MYH6: variants seen among roughly 807,000 people sequenced by gnomAD.
MYH6 encodes myosin-6.
MYH6 carries 126 observed loss-of-function variants against 223.2 expected under a neutral mutation model. That is an observed-to-expected ratio of 0.56 (90% confidence interval 0.49 to 0.65). MYH6 has a LOEUF of 0.65. Ranked by LOEUF, MYH6 falls within the 30% of genes least tolerant of loss-of-function variation. The probability of loss-of-function intolerance (pLI) is 0.00; values close to 1 mark genes in which losing one functional copy is unlikely to be tolerated. For missense variants in MYH6, 2,040 were observed against 2,536.4 expected (o/e 0.80, Z 4.20); for synonymous variants, 978 against 1,010.2 (o/e 0.97, Z 0.61).
Position 23,392,634 on chromosome 14 carries a change from A to C in MYH6, c.3270T>G (p.Asn1090Lys). 1 of 1,350,176 alleles carries C rather than the reference A, an allele frequency of 7.4e-7. No homozygotes were observed. The highest frequency in any genetic ancestry group is 1.8e-5 in the Admixed American group (1 of 55,622). The allele number at this position is 1,350,176 out of a possible 1,614,324, so 83.6% of individuals were successfully genotyped here. A position where few individuals can be genotyped will look rare whatever the true frequency, so the allele number is the denominator to read the frequency against. ...EKLKKKEFDI[N>K]QQNSKIEDEQ... The stretch of plus-strand genomic sequence containing the variant: ...CATCCTCAATCTTACTGTTCTGCTG[A>C]TTAATGTCAAACTCCTTCCTGCAGG... The change falls in exon 25 of 39, where the codon AAT (asparagine) becomes AAG (lysine). Residue 1090 changes from asparagine (N) to lysine (K), a missense_variant. Physicochemically the swap from Asn to Lys is moderately conservative, Grantham distance 94. Around this residue, in one of 4 missense-constraint regions of MYH6, gnomAD observed 1,203 missense variants for 1,400.2 expected, o/e 0.86. Transcript: ENST00000405093.
chr14:23,387,601 A>G lies in MYH6; in HGVS notation c.4578T>C (p.His1526=), dbSNP rs1222495278. The change falls in exon 32 of 39, where the codon CAT becomes CAC. Residue 1526 remains histidine (H), a synonymous_variant. Transcript: ENST00000405093. ...EQLGEGGKNV[H]ELEKVRKQLE... is the part of the protein sequence containing the mutation. ...GCTGTTTGCGGACCTTCTCCAGCTC[A>G]TGCACATTCTTTCCTCCTTCTCCTA... is the stretch of plus-strand genomic sequence containing the variant. The G allele has an allele frequency of 6.2e-7, 1 of 1,614,018 alleles. No homozygotes were observed. The highest frequency in any genetic ancestry group is 1.1e-5 in the South Asian group (1 of 91,078).
chr14:23,387,908 T>G lies in MYH6; in HGVS notation c.4375A>C (p.Lys1459Gln). ...RNFDKILAEW[K>Q]QKYEESQSEL... Reference sequence around the variant, plus strand: ...GACTGCGACTCCTCATACTTCTGCTTCCACTCGGCCAGGATCTGCCCGGGG... The same window carrying G: ...GACTGCGACTCCTCATACTTCTGCTGCCACTCGGCCAGGATCTGCCCGGGG... The change falls in exon 31 of 39, where the codon AAG becomes CAG. Residue 1459 changes from lysine to glutamine, a missense_variant. By Grantham distance (53) the Lys-to-Gln change is moderately conservative. Coordinates refer to ENST00000405093, the MANE Select transcript of MYH6 (RefSeq NM_002471.4). 6.2e-7 allele frequency: 1 copy of G among 1,613,788 alleles called. No individual in the cohort carries two copies. Among genetic ancestry groups the G allele is most frequent in the Non-Finnish European group, 8.5e-7 (1 of 1,179,998 alleles).
Position 23,393,667 on chromosome 14 carries a change from T to C in MYH6, c.2927A>G (p.Lys976Arg), listed in dbSNP as rs1185657827. The change falls in exon 22 of 39, where the codon AAG (lysine) becomes AGG (arginine). Residue 976 changes from lysine to arginine, a missense_variant and splice_region_variant. Lys to Arg is a conservative substitution (Grantham distance 26, BLOSUM62 2). Coordinates refer to ENST00000405093, the MANE Select transcript of MYH6 (RefSeq NM_002471.4). ...VEKEKHATEN[K>R]VKNLTEEMAG... ...GAAGCCAGAGGGAGCTGCCCTCACC[T>C]TGTTCTCTGTTGCATGCTTCTCCTT... 3 of 1,614,130 alleles carry C rather than the reference T, an allele frequency of 1.9e-6. No individual in the cohort carries two copies. Among genetic ancestry groups the C allele is most frequent in the Non-Finnish European group, 2.5e-6 (3 of 1,180,024 alleles).
At chr14:23,388,658 C>T (rs769177633) in intron 29 of MYH6, 10 of 943,886 alleles carry the variant, frequency 1.1e-5, no homozygotes, top group Non-Finnish European at 1.6e-5. Context: ...GCCAAAAGCT[C>T]GCCCGTCACA....
rs529040253 is a variant in MYH6, at chr14:23,407,988, G to C, written c.-47+265C>G. On this transcript the variant is annotated intron_variant, in intron 1 of 38. Transcript: ENST00000405093. This position sits in a 1 kb window ranked among gnomAD's most constrained non-coding sequence, Gnocchi z 5.6. ...GGAAGCCATCCAAAGGAGGAAGGAA[G>C]ATGGAAAGATGGAGACAACATGTAG... 2.0e-4 allele frequency among the ~76,000 whole-genome samples: 31 copies of C among 152,276 alleles called. No homozygotes were observed. The highest frequency in any genetic ancestry group is 7.2e-4 in the African/African-American group (30 of 41,556).
chr14:23,387,791 C>G lies in MYH6; in HGVS notation c.4492G>C (p.Glu1498Gln), dbSNP rs1891079837. 6.2e-7 allele frequency: 1 copy of G among 1,614,032 alleles called. No homozygotes were observed. The highest frequency in any genetic ancestry group is 1.3e-5 in the African/African-American group (1 of 74,892). ...TTCTTGTTCTCCCGCTTGAAGGTCT[C>G]TAGGTGCTCCAGGGACTCCTCGTAG... ...NAYEESLEHL[E>Q]TFKRENKNLQ... Residue 1498 changes from glutamate (E) to glutamine (Q), a missense_variant, in exon 31 of 39, where the codon GAG becomes CAG. Glu to Gln is a conservative substitution (Grantham distance 29). Coordinates refer to ENST00000405093, the MANE Select transcript of MYH6 (RefSeq NM_002471.4).
At chr14:23,408,083 G>A (rs887009851) in intron 1 of MYH6, among the ~76,000 whole-genome samples, 170 bp downstream of exon 1, 1 of 152,190 alleles carries the variant, frequency 6.6e-6, no homozygotes, top group East Asian at 1.9e-4. Context: ...TGGGTTTCCT[G>A]TGGAACCTCC....
At chr14:23,399,157 G>A (rs1891521979) in intron 14 of MYH6, 120 bp from the exon 15 acceptor site, 13 of 1,223,396 alleles carry the variant, frequency 1.1e-5, no homozygotes, top group South Asian at 8.8e-5. Flanking sequence ...CTGAAGGGGC[G>A]CTGTGCTGGT....
chr14:23,406,816 A>G lies in MYH6; in HGVS notation c.201+207T>C, dbSNP rs138357846. Among the ~76,000 whole-genome samples the G allele has an allele frequency of 6.0e-3, 907 of 152,170 alleles. 13 individuals are homozygous for G. Among genetic ancestry groups the G allele is most frequent in the African/African-American group, 0.021 (861 of 41,500 alleles). On this transcript the variant is annotated intron_variant, in intron 3 of 38. Transcript: ENST00000405093. ...CCTCAGCATCCTCTCTGGCAGGGGG[A>G]ACATGGCCCTGGGTGGCACCTGTTG... is the stretch of plus-strand genomic sequence containing the variant.
intron 15 of MYH6, among the ~76,000 whole-genome samples, chr14:23,397,950 T>G (rs866302886): frequency 1.2e-5 from 1 of 80,860 alleles, no homozygotes; most frequent in African/African-American, 5.7e-5. Flanking sequence ...CTTCTTCTTC[T>G]TCTTCTTCTT....
At chr14:23,392,773 A>G in intron 24 of MYH6, 121 bp from the exon 25 acceptor site, 1 of 1,476,692 alleles carries the variant, frequency 6.8e-7, no homozygotes. Flanking sequence ...CAGCCCAGAA[A>G]GTGGCGGAAG....
chr14:23,398,258 C>T (rs1054480530), intron 15 of MYH6, among the ~76,000 whole-genome samples: 1 of 152,048 alleles, frequency 6.6e-6, no homozygotes, highest in African/African-American at 2.4e-5. Context: ...CCTTGTGATC[C>T]ACCCGCCTCG....
In MYH6 at chr14:23,405,418, G is replaced by T. The variant is rs556240437; in HGVS notation, c.346-39C>A. On this transcript the variant is annotated intron_variant, in intron 4 of 38. Coordinates refer to ENST00000405093, the MANE Select transcript of MYH6 (RefSeq NM_002471.4). The surrounding 1 kb of genome is among the most constrained non-coding windows in gnomAD (Gnocchi z 4.7). ...CAAGGCTGGGCATGAGGTTGGTGGG[G>T]AGAGCCTGGGACAGGCAGTGGTGGC... is the stretch of plus-strand genomic sequence containing the variant. 1 of 1,613,940 alleles carries T rather than the reference G, an allele frequency of 6.2e-7. No individual in the cohort carries two copies. Among genetic ancestry groups the T allele is most frequent in the South Asian group, 1.1e-5 (1 of 91,072 alleles).
In MYH6 at chr14:23,388,351, G is replaced by C. The variant is rs1363274532; in HGVS notation, c.4176-13C>G. On this transcript the variant is annotated splice_polypyrimidine_tract_variant and intron_variant, in intron 29 of 38. Transcript: ENST00000405093. ...GGCCAGCTTCTTTCTGCCCAGGTGA[G>C]GGTGGAGGGTGTGTGTGTGACTCTA... 3.1e-6 allele frequency: 5 copies of C among 1,611,990 alleles called. No individual in the cohort carries two copies. The highest frequency in any genetic ancestry group is 2.5e-6 in the Non-Finnish European group (3 of 1,179,954).
In MYH6 at chr14:23,405,429, A is replaced by G. The variant is rs1210576005; in HGVS notation, c.346-50T>C. 1.2e-6 allele frequency: 2 copies of G among 1,613,472 alleles called. No homozygotes were observed. The highest frequency in any genetic ancestry group is 1.7e-5 in the Admixed American group (1 of 60,010). Reference sequence around the variant, plus strand: ...ATGAGGTTGGTGGGGAGAGCCTGGGACAGGCAGTGGTGGCAGCCAGGCATG... The same window carrying G: ...ATGAGGTTGGTGGGGAGAGCCTGGGGCAGGCAGTGGTGGCAGCCAGGCATG... On this transcript the variant is annotated intron_variant, in intron 4 of 38. Transcript: ENST00000405093. This position sits in a 1 kb window ranked among gnomAD's most constrained non-coding sequence, Gnocchi z 4.7.
intron 10 of MYH6, 120 bp downstream of exon 10, chr14:23,403,227 GA>G: frequency 1.2e-6 from 1 of 858,736 alleles, no homozygotes; most frequent in Non-Finnish European, 2.0e-6. Context: ...AGTGGAGGGA[GA>G]AGGGAAGTGA....
intron 14 of MYH6, chr14:23,399,830 G>A (rs1418385587): frequency 1.1e-5 from 3 of 276,948 alleles, no homozygotes; most frequent in Non-Finnish European, 2.1e-5. Flanking sequence ...AGCCTATGGG[G>A]CCTCCCGCCT....
chr14:23,396,241 C>G (rs375643415), intron 20 of MYH6, 43 bp downstream of exon 20: 1 of 1,613,420 alleles, frequency 6.2e-7, no homozygotes, highest in African/African-American at 1.3e-5. Context: ...GCGGATCTGC[C>G]TCTACATCTC....
chr14:23,394,400 C>A, intron 20 of MYH6, 77 bp from the exon 21 acceptor site: 1 of 1,573,606 alleles, frequency 6.4e-7, no homozygotes, highest in Non-Finnish European at 8.7e-7. Flanking sequence ...TAAGCAAGTT[C>A]GTAGGCACGT....
Sources: gnomAD v4.1 joint callset for allele counts (sites outside exome capture counted in the v4.1 genomes callset) on GRCh38, gnomAD v4.1.1 for gene constraint, gnomAD v4.1.1 regional missense constraint, Gnocchi (gnomAD v3.1) non-coding constraint, MANE v1.5 for transcripts, NCBI Gene and HGNC (gene_info 2026-07-23, HGNC 2026-07-21) for gene names.